MYH3: variants seen among roughly 807,000 people sequenced by gnomAD.
MYH3 encodes myosin-3.
In MYH3, 130 loss-of-function variants were observed where a neutral mutation model predicts 238.0. The observed-to-expected ratio is 0.55, with a 90% CI of 0.47 to 0.63. The LOEUF (loss-of-function observed/expected upper bound fraction) is 0.63. Among genes scored for constraint, MYH3 ranks in the 30% least tolerant of loss-of-function variants. The probability of loss-of-function intolerance (pLI) is 0.00; values close to 1 mark genes in which losing one functional copy is unlikely to be tolerated. For synonymous variants in MYH3, 880 were observed against 924.1 expected (o/e 0.95, Z 0.86); for missense variants, 1,853 against 2,374.9 (o/e 0.78, Z 4.57).
chr17:10,652,284 CG>C (rs1280589928), intron 4 of MYH3, 135 bp downstream of exon 4: 5 of 1,132,142 alleles, frequency 4.4e-6, no homozygotes, highest in Non-Finnish European at 6.6e-6. Flanking sequence ...CTTTCTCCTC[CG>C]TCTTTGTGTT....
chr17:10,631,291 CAGG>C (rs1244450461), intron 36 of MYH3, among the ~76,000 whole-genome samples: 3 of 152,280 alleles, frequency 2.0e-5, no homozygotes, highest in Admixed American at 1.3e-4. Flanking sequence ...CTCGGAGACC[CAGG>C]AAGGGAAAAA....
chr17:10,674,467 G>C, the MYH3 span: 1 of 275,400 alleles, frequency 3.6e-6, no homozygotes, highest in East Asian at 1.4e-4. Context: ...GACTGTGATT[G>C]AGGAGAGCTG....
At position 10,643,133 on chromosome 17, in the gene MYH3, T is replaced by C. The variant is rs557475309; in HGVS notation, c.1411-137A>G. ...AAATACAATCACAATCTTCAAGGCC[T>C]GCCTCAGACCGCATCTCCTCCTTGG... On this transcript the variant is annotated intron_variant, in intron 14 of 40. Coordinates refer to ENST00000583535, the MANE Select transcript of MYH3 (RefSeq NM_002470.4). 1,053 of 1,469,268 alleles carry C rather than the reference T, an allele frequency of 7.2e-4. 1 individual carries two copies. The highest frequency in any genetic ancestry group is 1.9e-3 in the Admixed American group (102 of 52,390). The allele number at this position is 1,469,268 out of a possible 1,614,324, so 91.0% of individuals were successfully genotyped here.
upstream of MYH3, among the ~76,000 whole-genome samples, chr17:10,658,347 T>C (rs986814862): frequency 2.0e-5 from 3 of 152,130 alleles, no homozygotes; most frequent in African/African-American, 7.2e-5. Context: ...ATGTTTCCCA[T>C]AGAAACCGCC....
rs1304032325 is a variant in MYH3 at position 10,651,513 on chromosome 17, A to C, written c.504T>G (p.Thr168=). The change falls in exon 5 of 41, where the codon ACT becomes ACG. Residue 168 remains threonine, a splice_region_variant and synonymous_variant. Coordinates refer to ENST00000583535, the MANE Select transcript of MYH3 (RefSeq NM_002470.4). ...ISDNAYQFML[T]DRENQSILIT... ...CATGCTTCCTCCTGGGAAACTCACC[A>C]GTCAGCATGAACTGATAGGCGTTGT... 6.2e-7 allele frequency: 1 copy of C among 1,613,464 alleles called. No individual in the cohort carries two copies. Among genetic ancestry groups the C allele is most frequent in the Non-Finnish European group, 8.5e-7 (1 of 1,179,768 alleles).
At chr17:10,661,685 A>G (rs980293620), upstream of MYH3, among the ~76,000 whole-genome samples, 2 of 152,066 alleles carry the variant, frequency 1.3e-5, no homozygotes, top group African/African-American at 4.8e-5. Context: ...CCGCCGTTTG[A>G]TGTTCAGTCC....
intron 36 of MYH3, among the ~76,000 whole-genome samples, chr17:10,630,963 C>A (rs1266049103): frequency 6.6e-6 from 1 of 152,174 alleles, no homozygotes; most frequent in Non-Finnish European, 1.5e-5. Flanking sequence ...ATAAAATAAC[C>A]TAATCAATGA....
At chr17:10,650,196 C>G (rs1447280752) in intron 6 of MYH3, among the ~76,000 whole-genome samples, 178 bp downstream of exon 6, 1 of 151,996 alleles carries the variant, frequency 6.6e-6, no homozygotes, top group Non-Finnish European at 1.5e-5. Context: ...AGGATGGTCT[C>G]GATCTCCTGG....
Position 10,628,588 on chromosome 17 carries a change from C to T in MYH3, c.*65G>A. The T allele has an allele frequency of 6.4e-7, 1 of 1,554,492 alleles. No individual in the cohort carries two copies. On this transcript the variant is annotated 3_prime_UTR_variant, in exon 41 of 41. Transcript: ENST00000583535. Reference sequence around the variant, plus strand: ...AAAGAGTCACATGGACATTAAGTATCAATGGTCAGGAATCAAGAAAATATA... The same window carrying T: ...AAAGAGTCACATGGACATTAAGTATTAATGGTCAGGAATCAAGAAAATATA...
chr17:10,629,490 G>C lies in MYH3; in HGVS notation c.5796+107C>G. 3 of 1,458,638 alleles carry C rather than the reference G, an allele frequency of 2.1e-6. No individual in the cohort carries two copies. The East Asian group carries it at 6.8e-5, about 33-fold the overall frequency. The allele number at this position is 1,458,638 out of a possible 1,614,324, so 90.4% of individuals were successfully genotyped here. A position where few individuals can be genotyped will look rare whatever the true frequency, so the allele number is the denominator to read the frequency against. On this transcript the variant is annotated intron_variant, in intron 40 of 40. Transcript: ENST00000583535. The stretch of plus-strand genomic sequence containing the variant: ...GTGACTTTAAGCACTTTCTCTTCCT[G>C]AGCCTGAGACTCCCCAGCTCTAAAG...
upstream of MYH3, among the ~76,000 whole-genome samples, chr17:10,659,560 G>A (rs978347823): frequency 6.6e-6 from 1 of 152,178 alleles, no homozygotes; most frequent in Non-Finnish European, 1.5e-5. Context: ...AGAACTTCCA[G>A]AGTGCTCCAC....
At chr17:10,660,986 T>C (rs964808883), upstream of MYH3, among the ~76,000 whole-genome samples, 1 of 151,190 alleles carries the variant, frequency 6.6e-6, no homozygotes, top group South Asian at 2.1e-4. Context: ...CTCCTTATTT[T>C]TTTTTTTGAG....
chr17:10,664,652 G>C, the MYH3 span, among the ~76,000 whole-genome samples: 3 of 152,144 alleles, frequency 2.0e-5, no homozygotes, highest in African/African-American at 7.2e-5. Flanking sequence ...CTCAAGATGA[G>C]AGTCAGGTCC....
rs752089935 is a variant in MYH3, at chr17:10,634,110, AG to A, written c.4428del (p.Ser1477ProfsTer2). 2 of 1,614,102 alleles carry A rather than the reference AG, an allele frequency of 1.2e-6. No individual in the cohort carries two copies. The highest frequency in any genetic ancestry group is 1.7e-6 in the Non-Finnish European group (2 of 1,180,050). ...AELEASLKES[R>X]SLSTELFKLK... Reference sequence around the variant, plus strand: ...AGTTTGAAGAGCTCAGTGCTCAAGGAGCGGGACTCCTTCAGGGATGCCTCCA... The same window carrying A: ...AGTTTGAAGAGCTCAGTGCTCAAGGACGGGACTCCTTCAGGGATGCCTCCA... On this transcript the variant is annotated frameshift_variant, in exon 32 of 41. Coordinates refer to ENST00000583535, the MANE Select transcript of MYH3 (RefSeq NM_002470.4). LOFTEE classifies it high-confidence loss of function.
At chr17:10,648,008 A>C (rs1015302453) in intron 8 of MYH3, among the ~76,000 whole-genome samples, 7 of 152,138 alleles carry the variant, frequency 4.6e-5, no homozygotes, top group Non-Finnish European at 7.4e-5. Flanking sequence ...TCAAGGTGTA[A>C]ATCAAACCAT....
chr17:10,674,793 C>T, the MYH3 span: 2 of 152,324 alleles, frequency 1.3e-5, no homozygotes, highest in Admixed American at 1.3e-4. Context: ...GCCTTGGCCC[C>T]TTACCTTTGC....
chr17:10,677,384 A>G, the MYH3 span: 2 of 152,220 alleles, frequency 1.3e-5, no homozygotes, highest in Admixed American at 6.5e-5. Flanking sequence ...AAATGCTCGC[A>G]TGGGTGACTG....
the MYH3 span, among the ~76,000 whole-genome samples, chr17:10,669,646 G>A: frequency 6.6e-6 from 1 of 151,950 alleles, no homozygotes; most frequent in Non-Finnish European, 1.5e-5. Context: ...GCTTGCGCCT[G>A]TAATCCCAAC....
rs199976698 is a variant in MYH3 at position 10,633,543 on chromosome 17, G to A, written c.4647+48C>T. On this transcript the variant is annotated intron_variant, in intron 33 of 40. Transcript: ENST00000583535. ...TGGAGCAGCCAGCCTCCCTGGCCGT[G>A]GCTCACCATGGCTGCATCTGCGCCT... is the stretch of plus-strand genomic sequence containing the variant. 13 of 1,608,644 alleles carry A rather than the reference G, an allele frequency of 8.1e-6. No homozygotes were observed. In the African/African-American group the frequency reaches 1.6e-4, roughly 20 times the overall value.
Sources: gnomAD v4.1 joint callset for allele counts (sites outside exome capture counted in the v4.1 genomes callset) on GRCh38, gnomAD v4.1.1 for gene constraint, MANE v1.5 for transcripts, NCBI Gene and HGNC (gene_info 2026-07-23, HGNC 2026-07-21) for gene names.